BAZ2B: variants seen among roughly 807,000 people sequenced by gnomAD.
The protein encoded by BAZ2B is bromodomain adjacent to zinc finger domain protein 2B.
BAZ2B carries 91 observed loss-of-function variants against 246.0 expected under a neutral mutation model. The ratio of observed to expected loss-of-function variants is 0.37; its 90% CI spans 0.31 to 0.44. BAZ2B has a LOEUF of 0.44. Among genes scored for constraint, BAZ2B ranks in the 20% least tolerant of loss-of-function variants. The pLI, the probability that BAZ2B is intolerant of heterozygous loss-of-function variation, is 1.00. For synonymous variants in BAZ2B, 855 were observed against 860.0 expected (o/e 0.99, Z 0.10); for missense variants, 2,332 against 2,533.7 (o/e 0.92, Z 1.71).
intron 26 of BAZ2B, among the ~76,000 whole-genome samples, chr2:159,374,202 T>C (rs1202249479): frequency 6.6e-6 from 1 of 151,796 alleles, no homozygotes; most frequent in Non-Finnish European, 1.5e-5. Flanking sequence ...AAACCACTTC[T>C]GAAATGGAAT....
At chr2:159,371,103 C>T (rs757378611) in intron 27 of BAZ2B, among the ~76,000 whole-genome samples, 6 of 150,842 alleles carry the variant, frequency 4.0e-5, no homozygotes, top group African/African-American at 1.5e-4. Context: ...ACACCGCGCT[C>T]GGCCAAAGTA....
intron 3 of BAZ2B, chr2:159,462,258 C>T (rs2076498572): frequency 3.4e-6 from 2 of 590,338 alleles, no homozygotes; most frequent in African/African-American, 3.8e-5. Context: ...CAACAGTATT[C>T]CATGAGGTTA....
Position 159,366,727 on chromosome 2 carries a change from G to A in BAZ2B, c.4213+6318C>T, listed in dbSNP as rs544091208. 2.0e-5 allele frequency among the ~76,000 whole-genome samples: 3 copies of A among 152,312 alleles called. No homozygotes were observed. In the East Asian group the frequency reaches 5.8e-4, roughly 29 times the overall value. ...TTGCATAGCTTTGGACTTTTTGTTG[G>A]ATATGCAGCCAGATTGCTCATGGGA... is the stretch of plus-strand genomic sequence containing the variant. On this transcript the variant is annotated intron_variant, in intron 27 of 36. Transcript: ENST00000392783.
chr2:159,543,938 T>C (rs373808648), intron 2 of BAZ2B, among the ~76,000 whole-genome samples: 1 of 152,232 alleles, frequency 6.6e-6, no homozygotes, highest in Non-Finnish European at 1.5e-5. Flanking sequence ...AATCCATATA[T>C]TGGATCTGGC....
At chr2:159,491,055 G>A (rs2080398674) in intron 2 of BAZ2B, among the ~76,000 whole-genome samples, 2 of 152,054 alleles carry the variant, frequency 1.3e-5, no homozygotes, top group Non-Finnish European at 2.9e-5. Context: ...TCTATTTTAT[G>A]GCTACTATTA....
intron 6 of BAZ2B, among the ~76,000 whole-genome samples, chr2:159,445,419 G>A (rs2074089883): frequency 6.6e-6 from 1 of 152,118 alleles, no homozygotes. Context: ...CTTTGAAAAG[G>A]GACTTTTTCC....
the BAZ2B span, among the ~76,000 whole-genome samples, chr2:159,677,811 G>C: frequency 6.6e-6 from 1 of 152,066 alleles, no homozygotes. Context: ...TTTGTTCTTT[G>C]TTTTCTCCCC....
intron 1 of BAZ2B, among the ~76,000 whole-genome samples, chr2:159,597,005 T>G (rs778115619): frequency 2.0e-5 from 3 of 152,256 alleles, no homozygotes; most frequent in Non-Finnish European, 4.4e-5. Context: ...TAGTTTACAT[T>G]CCTACCAACA....
chr2:159,519,224 T>TTC (rs2083799590), intron 2 of BAZ2B, among the ~76,000 whole-genome samples: 1 of 45,654 alleles, frequency 2.2e-5, no homozygotes, highest in African/African-American at 7.2e-5. Flanking sequence ...TTTTTTTTTT[T>TTC]TTTTTTTTTT....
At chr2:159,356,200 T>C (rs945459271) in intron 27 of BAZ2B, among the ~76,000 whole-genome samples, 1 of 152,070 alleles carries the variant, frequency 6.6e-6, no homozygotes, top group Non-Finnish European at 1.5e-5. Flanking sequence ...GCTCGGTGGA[T>C]CCCACCCTCA....
At chr2:159,667,547 G>A in the BAZ2B span, among the ~76,000 whole-genome samples, 1 of 151,980 alleles carries the variant, frequency 6.6e-6, no homozygotes, top group Non-Finnish European at 1.5e-5. Flanking sequence ...AGTGAGGTAA[G>A]ATTGTGCCAC....
At chr2:159,607,903 C>T (rs1693865063) in intron 1 of BAZ2B, among the ~76,000 whole-genome samples, 1 of 152,186 alleles carries the variant, frequency 6.6e-6, no homozygotes, top group Non-Finnish European at 1.5e-5. Flanking sequence ...TTGGAGATAG[C>T]ATTCAATAAA....
At chr2:159,589,779 T>A (rs2151690320) in intron 1 of BAZ2B, among the ~76,000 whole-genome samples, 1 of 152,252 alleles carries the variant, frequency 6.6e-6, no homozygotes, top group South Asian at 2.1e-4. Context: ...TCCAAAACAT[T>A]TTTACTGATT....
intron 36 of BAZ2B, 29 bp from the exon 37 acceptor site, chr2:159,320,447 C>A: frequency 1.3e-6 from 2 of 1,512,250 alleles, no homozygotes; most frequent in African/African-American, 2.9e-5. Context: ...TTAGAGATTG[C>A]GTTCATAGAG....
At chr2:159,656,161 TCTCTGATTATTCTTTTAAAA>T in the BAZ2B span, among the ~76,000 whole-genome samples, 1 of 152,294 alleles carries the variant, frequency 6.6e-6, no homozygotes, top group Non-Finnish European at 1.5e-5. Flanking sequence ...GCTACTGATG[TCTCTGATTATTCTTTTAAAA>T]ATTAATATAC....
intron 2 of BAZ2B, among the ~76,000 whole-genome samples, chr2:159,501,966 A>C (rs989580143): frequency 2.0e-5 from 3 of 152,252 alleles, no homozygotes; most frequent in Non-Finnish European, 4.4e-5. Context: ...TGGTATATCC[A>C]TACAATGAAA....
chr2:159,703,222 G>T, the BAZ2B span, among the ~76,000 whole-genome samples: 1 of 150,666 alleles, frequency 6.6e-6, no homozygotes, highest in South Asian at 2.1e-4. Flanking sequence ...CAAGTAGCTT[G>T]GATTATAGGC....
At chr2:159,443,999 G>A (rs970586077) in intron 6 of BAZ2B, 6 of 152,058 alleles carry the variant, frequency 3.9e-5, no homozygotes, top group Admixed American at 6.5e-5. Context: ...AGGGTTAAAA[G>A]CATGGGCATT....
chr2:159,508,492 A>G (rs1028595752), intron 2 of BAZ2B, among the ~76,000 whole-genome samples: 4 of 152,196 alleles, frequency 2.6e-5, no homozygotes, highest in African/African-American at 9.6e-5. Context: ...TTATTTCCCA[A>G]AAGATTTCTC....
Sources: allele counts gnomAD v4.1 joint callset (sites outside exome capture counted in the v4.1 genomes callset), GRCh38; gene constraint gnomAD v4.1.1; transcripts MANE v1.5; gene names NCBI Gene and HGNC (gene_info 2026-07-23, HGNC 2026-07-21).